The following MAPKAPK2 variants were observed in gnomAD, a reference collection of about 807,000 sequenced individuals.
The protein encoded by MAPKAPK2 is MAPK activated protein kinase 2.
MAPKAPK2 carries 9 observed loss-of-function variants against 48.8 expected under a neutral mutation model. The observed-to-expected ratio is 0.18, with a 90% CI of 0.11 to 0.32. MAPKAPK2 has a LOEUF of 0.32. Ranked by LOEUF, MAPKAPK2 falls within the 10% of genes least tolerant of loss-of-function variation. The pLI, the probability that MAPKAPK2 is intolerant of heterozygous loss-of-function variation, is 1.00. For missense variants in MAPKAPK2, 331 were observed against 498.3 expected, an observed-to-expected ratio of 0.66 and a Z score of 3.20; for synonymous variants, 202 against 190.6, an observed-to-expected ratio of 1.06 and a Z score of -0.49.
chr1:206,706,952 C>T (rs539819907), intron 1 of MAPKAPK2, among the ~76,000 whole-genome samples: 2 of 152,308 alleles, frequency 1.3e-5, no homozygotes, highest in East Asian at 1.9e-4. Flanking sequence ...TCTCTCCCCT[C>T]ACCTGTCATT....
At chr1:206,712,651 G>C (rs1218719802) in intron 1 of MAPKAPK2, among the ~76,000 whole-genome samples, 1 of 152,120 alleles carries the variant, frequency 6.6e-6, no homozygotes, top group African/African-American at 2.4e-5. Flanking sequence ...TAGTCAGCTT[G>C]TTGGTAAAAT....
chr1:206,732,514 TG>T lies in MAPKAPK2; in HGVS notation c.1060-60del. 6.3e-7 allele frequency: 1 copy of T among 1,597,028 alleles called. No individual in the cohort carries two copies. Among genetic ancestry groups the T allele is most frequent in the Non-Finnish European group, 8.6e-7 (1 of 1,169,448 alleles). On this transcript the variant is annotated intron_variant, in intron 9 of 9. Transcript: ENST00000367103. The surrounding 1 kb of genome is among the most constrained non-coding windows in gnomAD (Gnocchi z 4.4). The stretch of plus-strand genomic sequence containing the variant: ...TCTGTCTCTCACGTCTCTCTTCTGC[TG>T]TCTCTCCTACCTGTCTTCTGGCTCT...
At chr1:206,688,370 G>T (rs1239941746) in intron 1 of MAPKAPK2, among the ~76,000 whole-genome samples, 1 of 152,132 alleles carries the variant, frequency 6.6e-6, no homozygotes, top group Non-Finnish European at 1.5e-5. Flanking sequence ...CTGAGCCACG[G>T]GCTCAGGCAC....
chr1:206,715,605 T>G (rs981830139), intron 1 of MAPKAPK2, among the ~76,000 whole-genome samples: 17 of 148,976 alleles, frequency 1.1e-4, no homozygotes, highest in East Asian at 9.8e-4. Context: ...TAAATATTGG[T>G]TTTTTTTTTC....
chr1:206,714,931 C>T (rs1673279365), intron 1 of MAPKAPK2, among the ~76,000 whole-genome samples: 1 of 152,002 alleles, frequency 6.6e-6, no homozygotes, highest in Non-Finnish European at 1.5e-5. Flanking sequence ...ATTGTGGGTA[C>T]CAGGTTTCGA....
chr1:206,728,610 G>C, intron 1 of MAPKAPK2, 100 bp from the exon 2 acceptor site: 1 of 1,401,482 alleles, frequency 7.1e-7, no homozygotes, highest in Non-Finnish European at 9.7e-7. Flanking sequence ...GGAGTGGGGG[G>C]TTTGTGGTAT....
chr1:206,707,701 G>T (rs1371648961), intron 1 of MAPKAPK2, among the ~76,000 whole-genome samples: 1 of 152,148 alleles, frequency 6.6e-6, no homozygotes, highest in Non-Finnish European at 1.5e-5. Context: ...AGACCTGCTG[G>T]GTGTGTGTGG....
chr1:206,685,791 C>T (rs1212060483), intron 1 of MAPKAPK2, among the ~76,000 whole-genome samples: 1 of 151,904 alleles, frequency 6.6e-6, no homozygotes, highest in Non-Finnish European at 1.5e-5. Context: ...CGGGATCCAG[C>T]CGAGTCAGAA....
At position 206,732,306 on chromosome 1, in the gene MAPKAPK2, C is replaced by T. The variant is rs1157732552; in HGVS notation, c.1060-269C>T. ...GACCCAGGTTTCCTGACTCCTGGCC[C>T]AAGTCTCTTCCTCCTATCCTGCGGG... On this transcript the variant is annotated intron_variant, in intron 9 of 9. Coordinates refer to ENST00000367103, the MANE Select transcript of MAPKAPK2 (RefSeq NM_032960.4). The surrounding 1 kb of genome is among the most constrained non-coding windows in gnomAD (Gnocchi z 4.4). 6.9e-7 allele frequency: 1 copy of T among 1,446,566 alleles called. No individual in the cohort carries two copies. The highest frequency in any genetic ancestry group is 9.1e-7 in the Non-Finnish European group (1 of 1,104,020). The allele number at this position is 1,446,566 out of a possible 1,614,324, so 89.6% of individuals were successfully genotyped here.
In MAPKAPK2 at chr1:206,686,752, C is replaced by T. The variant is rs908307875; in HGVS notation, c.279+1244C>T. Among the ~76,000 whole-genome samples, 6 of 152,336 alleles carry T rather than the reference C, an allele frequency of 3.9e-5. No homozygotes were observed. The South Asian group carries it at 6.2e-4, about 16-fold the overall frequency. On this transcript the variant is annotated intron_variant, in intron 1 of 9. Transcript: ENST00000367103. The stretch of plus-strand genomic sequence containing the variant: ...TGTTTTAAAAGAAACACCAGTACTT[C>T]GGGGTTGTACGGGGCAAGCATGTTC...
chr1:206,711,955 C>T (rs1191602043), intron 1 of MAPKAPK2, among the ~76,000 whole-genome samples: 1 of 151,752 alleles, frequency 6.6e-6, no homozygotes, highest in Non-Finnish European at 1.5e-5. Flanking sequence ...TAGTTTATTT[C>T]CTTCTGTCCC....
At chr1:206,718,824 T>A (rs1160671245) in intron 1 of MAPKAPK2, among the ~76,000 whole-genome samples, 1 of 152,208 alleles carries the variant, frequency 6.6e-6, no homozygotes, top group African/African-American at 2.4e-5. Context: ...GGGTAATTAC[T>A]GGGTCCAAGG....
Position 206,724,958 on chromosome 1 carries a change from T to A in MAPKAPK2, c.280-3752T>A, listed in dbSNP as rs1673658979. Among the ~76,000 whole-genome samples, 4 of 148,742 alleles carry A rather than the reference T, an allele frequency of 2.7e-5. No homozygotes were observed. The South Asian group carries it at 8.5e-4, about 32-fold the overall frequency. On this transcript the variant is annotated intron_variant, in intron 1 of 9. Transcript: ENST00000367103. ...CTGAAGCACCTTCAAGGATATTATT[T>A]CACGAAGTTGAATCTAATTTTACAG...
Position 206,732,237 on chromosome 1 carries a change from G to T in MAPKAPK2, c.1059+318G>T. ...AACTGAGGCCCAGAGGCGGAGGGCA[G>T]TCTGCTCAAGGTCACGCAGCTGGTG... On this transcript the variant is annotated intron_variant, in intron 9 of 9. Coordinates refer to ENST00000367103, the MANE Select transcript of MAPKAPK2 (RefSeq NM_032960.4). This position sits in a 1 kb window ranked among gnomAD's most constrained non-coding sequence, Gnocchi z 4.4. The T allele has an allele frequency of 2.7e-6, 4 of 1,509,096 alleles. No individual in the cohort carries two copies. In the South Asian group the frequency reaches 3.8e-5, roughly 15 times the overall value. The allele number at this position is 1,509,096 out of a possible 1,614,324, so 93.5% of individuals were successfully genotyped here.
intron 1 of MAPKAPK2, among the ~76,000 whole-genome samples, chr1:206,723,590 G>T (rs1673611513): frequency 1.3e-5 from 2 of 152,214 alleles, no homozygotes; most frequent in African/African-American, 4.8e-5. Context: ...CCACCTTGCT[G>T]ACGAGTGGCA....
rs567453622 is a variant in MAPKAPK2 at position 206,730,220 on chromosome 1, C to G, written c.691+122C>G. 272 of 1,192,714 alleles carry G rather than the reference C, an allele frequency of 2.3e-4. 3 individuals are homozygous for G. In the East Asian group the frequency reaches 6.4e-3, roughly 28 times the overall value. 73.9% of individuals were successfully genotyped at this position (1,192,714 alleles called of 1,614,324 possible). A position where few individuals can be genotyped will look rare whatever the true frequency, so the allele number is the denominator to read the frequency against. On this transcript the variant is annotated intron_variant, in intron 5 of 9. Transcript: ENST00000367103. ...TGTGTCTGTATGGCCCCTTCTGGTG[C>G]TGGTTCTGCTGGGACCTGCTGAGAA...
At chr1:206,701,576 A>C (rs575769935) in intron 1 of MAPKAPK2, among the ~76,000 whole-genome samples, 2 of 152,182 alleles carry the variant, frequency 1.3e-5, no homozygotes, top group East Asian at 3.9e-4. Context: ...GCTCATACCT[A>C]TAATCCCAGC....
chr1:206,706,053 A>G (rs1206579977), intron 1 of MAPKAPK2, among the ~76,000 whole-genome samples: 1 of 151,694 alleles, frequency 6.6e-6, no homozygotes, highest in Non-Finnish European at 1.5e-5. Flanking sequence ...GGAATCAGCT[A>G]CTCTTCCTGA....
chr1:206,728,065 TA>T (rs782642821), intron 1 of MAPKAPK2, among the ~76,000 whole-genome samples: 1 of 152,174 alleles, frequency 6.6e-6, no homozygotes, highest in Non-Finnish European at 1.5e-5. Context: ...CAGCCTCCTT[TA>T]ATACCCCTAG....
Sources: gnomAD v4.1 joint callset for allele counts (sites outside exome capture counted in the v4.1 genomes callset) on GRCh38, gnomAD v4.1.1 for gene constraint, Gnocchi (gnomAD v3.1) non-coding constraint, MANE v1.5 for transcripts, NCBI Gene and HGNC (gene_info 2026-07-23, HGNC 2026-07-21) for gene names.